TNR: variants seen among roughly 807,000 people sequenced by gnomAD.
TNR encodes tenascin R.
Under a neutral mutation model 150.4 loss-of-function variants are expected in TNR, and 45 were observed. The observed-to-expected ratio is 0.30, with a 90% CI of 0.24 to 0.38. TNR has a LOEUF of 0.38. TNR is among the 10% of genes least tolerant of loss of function. The pLI, the probability that TNR is intolerant of heterozygous loss-of-function variation, is 1.00. For synonymous variants in TNR, 687 were observed against 678.4 expected, an observed-to-expected ratio of 1.01 and a Z score of -0.20; for missense variants, 1,544 against 1,759.1, an observed-to-expected ratio of 0.88 and a Z score of 2.19.
intron 1 of TNR, among the ~76,000 whole-genome samples, chr1:175,675,265 T>C (rs936259953): frequency 6.6e-6 from 1 of 152,338 alleles, no homozygotes; most frequent in Admixed American, 6.5e-5. Context: ...TAAAGCTCTA[T>C]GGATAACGGC....
At chr1:175,672,642 G>A (rs920074162) in intron 1 of TNR, among the ~76,000 whole-genome samples, 2 of 152,102 alleles carry the variant, frequency 1.3e-5, no homozygotes, top group African/African-American at 2.4e-5. Flanking sequence ...ATTCTAACCA[G>A]ACAAGAGGAT....
intron 20 of TNR, among the ~76,000 whole-genome samples, chr1:175,333,155 A>G (rs1381949088): frequency 6.6e-6 from 1 of 152,120 alleles, no homozygotes; most frequent in Non-Finnish European, 1.5e-5. Flanking sequence ...AGTACTATTA[A>G]TATAGTTTCT....
intron 1 of TNR, among the ~76,000 whole-genome samples, chr1:175,585,712 T>C (rs1662537460): frequency 6.6e-6 from 1 of 152,204 alleles, no homozygotes; most frequent in Non-Finnish European, 1.5e-5. Flanking sequence ...TTCTTGAGTA[T>C]CTTCAGTTGC....
At chr1:175,474,043 T>C (rs2102120691) in intron 2 of TNR, among the ~76,000 whole-genome samples, 1 of 152,230 alleles carries the variant, frequency 6.6e-6, no homozygotes, top group East Asian at 1.9e-4. Context: ...TTTGCAAAGA[T>C]CCATGTTACT....
chr1:175,352,500 C>G (rs2236886), intron 18 of TNR, among the ~76,000 whole-genome samples: 2,427 of 152,186 alleles, frequency 0.016, 26 homozygotes, highest in Non-Finnish European at 0.021. Context: ...GACCATGGAG[C>G]CCTCTTTAAT....
intron 2 of TNR, among the ~76,000 whole-genome samples, chr1:175,527,627 AT>A (rs1484595635): frequency 6.6e-6 from 1 of 152,226 alleles, no homozygotes; most frequent in African/African-American, 2.4e-5. Flanking sequence ...ATGGAAAGTT[AT>A]TAAAGGAGCA....
intron 15 of TNR, 86 bp from the exon 16 acceptor site, chr1:175,356,548 A>T (rs929904528): frequency 6.6e-7 from 1 of 1,522,824 alleles, no homozygotes; most frequent in Non-Finnish European, 8.9e-7. Flanking sequence ...TTTCACATGG[A>T]TTTACTACTA....
intron 7 of TNR, among the ~76,000 whole-genome samples, chr1:175,388,578 A>G (rs1404166237): frequency 6.6e-6 from 1 of 152,212 alleles, no homozygotes; most frequent in Non-Finnish European, 1.5e-5. Flanking sequence ...CCAACCGTCT[A>G]TTTTGTAGCC....
intron 1 of TNR, among the ~76,000 whole-genome samples, chr1:175,559,718 T>C (rs1661342391): frequency 6.6e-6 from 1 of 152,240 alleles, no homozygotes; most frequent in African/African-American, 2.4e-5. Context: ...TCTTTATCCA[T>C]TCTCCTGTTG....
At position 175,391,560 on chromosome 1, in the gene TNR, C is replaced by G. The variant is rs959203057; in HGVS notation, c.1357-122G>C. On this transcript the variant is annotated intron_variant, in intron 6 of 22. Coordinates refer to ENST00000367674, the MANE Select transcript of TNR (RefSeq NM_003285.3). Reference sequence around the variant, plus strand: ...TGTGAATTTAAAATGGGGGCGATGTCTCTTTCCTCCATGCTGACAGCTGAG... The same window carrying G: ...TGTGAATTTAAAATGGGGGCGATGTGTCTTTCCTCCATGCTGACAGCTGAG... 1.4e-5 allele frequency: 15 copies of G among 1,080,210 alleles called. No homozygotes were observed. The East Asian group carries it at 3.9e-4, about 28-fold the overall frequency. The allele number at this position is 1,080,210 out of a possible 1,614,324, so 66.9% of individuals were successfully genotyped here.
intron 2 of TNR, among the ~76,000 whole-genome samples, chr1:175,409,666 AG>A (rs547471582): frequency 2.2e-4 from 34 of 152,196 alleles, no homozygotes; most frequent in Non-Finnish European, 4.1e-4. Context: ...GATCACTTCT[AG>A]GTGCCTGGGA....
chr1:175,426,215 T>C (rs1654961264), intron 2 of TNR, among the ~76,000 whole-genome samples: 2 of 152,180 alleles, frequency 1.3e-5, no homozygotes, highest in African/African-American at 4.8e-5. Context: ...TTTATGGCCA[T>C]ACAAAGATGT....
Position 175,542,179 on chromosome 1 carries a change from C to G in TNR, c.-164-13810G>C, listed in dbSNP as rs1051018003. 1.2e-4 allele frequency among the ~76,000 whole-genome samples: 18 copies of G among 152,126 alleles called. 1 individual carries two copies. The highest frequency in any genetic ancestry group is 1.2e-3 in the Admixed American group (18 of 15,270). On this transcript the variant is annotated intron_variant, in intron 1 of 22. Transcript: ENST00000367674. ...TTGAAGGAAGGGAAAAGAGAAAGACCAAAAGAAATAAAAGAATTCTTCCAA... is the reference window on the plus strand; with the variant it reads ...TTGAAGGAAGGGAAAAGAGAAAGACGAAAAGAAATAAAAGAATTCTTCCAA...
chr1:175,455,003 G>C (rs1356621767), intron 2 of TNR, among the ~76,000 whole-genome samples: 2 of 152,138 alleles, frequency 1.3e-5, no homozygotes, highest in Non-Finnish European at 2.9e-5. Context: ...GTCTTCTGAG[G>C]CTACATTGTG....
At chr1:175,705,328 T>C (rs1456483245) in intron 1 of TNR, among the ~76,000 whole-genome samples, 1 of 152,224 alleles carries the variant, frequency 6.6e-6, no homozygotes, top group African/African-American at 2.4e-5. Flanking sequence ...AATTGAATTT[T>C]AGTTTTTTTC....
In TNR at chr1:175,358,698, G is replaced by A. The variant is rs370105388; in HGVS notation, c.2974+914C>T. Among the ~76,000 whole-genome samples the A allele has an allele frequency of 2.8e-4, 42 of 152,304 alleles. No individual in the cohort carries two copies. In the South Asian group the frequency reaches 6.8e-3, roughly 25 times the overall value. ...CTTCCCTAAGCCTAGAGACTTGGAGGACTCAACTCTATTTTGCTTTGGGCT... is the reference window on the plus strand; with the variant it reads ...CTTCCCTAAGCCTAGAGACTTGGAGAACTCAACTCTATTTTGCTTTGGGCT... On this transcript the variant is annotated intron_variant, in intron 15 of 22. Transcript: ENST00000367674.
chr1:175,695,631 C>T (rs1303216289), intron 1 of TNR, among the ~76,000 whole-genome samples: 1 of 152,234 alleles, frequency 6.6e-6, no homozygotes, highest in African/African-American at 2.4e-5. Context: ...TTAAACCCCT[C>T]TTTCTAGAAT....
Position 175,598,983 on chromosome 1 carries a change from T to C in TNR, c.-164-70614A>G, listed in dbSNP as rs80123912. Among the ~76,000 whole-genome samples the C allele has an allele frequency of 1.3e-3, 198 of 152,310 alleles. No individual in the cohort carries two copies. The East Asian group carries it at 0.031, about 24-fold the overall frequency. ...TGTTGAGCAGAGAGGAGATGCGTCC[T>C]TAAATCGAATGCACTCTTAGGTGGC... On this transcript the variant is annotated intron_variant, in intron 1 of 22. Transcript: ENST00000367674.
intron 1 of TNR, among the ~76,000 whole-genome samples, chr1:175,550,648 A>C (rs1006836181): frequency 3.3e-5 from 5 of 152,166 alleles, no homozygotes; most frequent in Admixed American, 6.6e-5. Flanking sequence ...ACAGCATATA[A>C]TCAGCTTTTT....
Sources: gnomAD v4.1 joint callset for allele counts (sites outside exome capture counted in the v4.1 genomes callset) on GRCh38, gnomAD v4.1.1 for gene constraint, MANE v1.5 for transcripts, NCBI Gene and HGNC (gene_info 2026-07-23, HGNC 2026-07-21) for gene names.